Variants in CLIP1 observed in about 807,000 individuals in gnomAD.
CLIP1 encodes CAP-Gly domain containing linker protein 1.
A neutral mutation model predicts 161.6 loss-of-function variants in CLIP1; 66 were observed. The ratio of observed to expected loss-of-function variants is 0.41; its 90% CI spans 0.33 to 0.50. The LOEUF (loss-of-function observed/expected upper bound fraction) is 0.50, where lower values mean the gene tolerates loss of function less well. Among genes scored for constraint, CLIP1 ranks in the 20% least tolerant of loss-of-function variants. CLIP1 has a pLI of 0.27. For missense variants in CLIP1, 1,376 were observed against 1,702.0 expected (o/e 0.81, Z 3.37); for synonymous variants, 598 against 626.2 (o/e 0.96, Z 0.67).
Position 122,341,666 on chromosome 12 carries a change from A to G in CLIP1, c.1538T>C (p.Met513Thr). ...CAATGCTAGGTCTTTCTCCAGTTCCATTATACGTGACTTTTCTGAAACTGT... is the reference window on the plus strand; with the variant it reads ...CAATGCTAGGTCTTTCTCCAGTTCCGTTATACGTGACTTTTCTGAAACTGT... ...VATVSEKSRI[M>T]ELEKDLALRV... The change falls in exon 11 of 26, where the codon ATG becomes ACG. Residue 513 changes from methionine (M) to threonine (T), a missense_variant. Coordinates refer to ENST00000620786, the MANE Select transcript of CLIP1 (RefSeq NM_001247997.2). The G allele has an allele frequency of 6.3e-7, 1 of 1,594,926 alleles. No individual in the cohort carries two copies. The highest frequency in any genetic ancestry group is 8.5e-7 in the Non-Finnish European group (1 of 1,171,946).
intron 19 of CLIP1, among the ~76,000 whole-genome samples, 198 bp from the exon 20 acceptor site, chr12:122,310,080 A>G (rs1015211757): frequency 6.6e-6 from 1 of 152,150 alleles, no homozygotes; most frequent in Non-Finnish European, 1.5e-5. Context: ...GCTGCCACCC[A>G]CAATTATTAC....
intron 1 of CLIP1, among the ~76,000 whole-genome samples, chr12:122,403,631 G>A (rs912119245): frequency 6.7e-6 from 1 of 149,726 alleles, no homozygotes; most frequent in Non-Finnish European, 1.5e-5. Context: ...CGATTCTCCT[G>A]CCTCAGCCTC....
intron 1 of CLIP1, among the ~76,000 whole-genome samples, chr12:122,422,093 C>G (rs2137262484): frequency 6.6e-6 from 1 of 152,224 alleles, no homozygotes; most frequent in East Asian, 1.9e-4. Flanking sequence ...ACAGGCGCGG[C>G]GCCCGGGGCA....
In CLIP1 at chr12:122,288,489, C is replaced by CT; in HGVS notation, c.3646dup (p.Arg1216LysfsTer11). The CT allele has an allele frequency of 1.9e-6, 3 of 1,606,710 alleles. No homozygotes were observed. The highest frequency in any genetic ancestry group is 1.7e-6 in the Non-Finnish European group (2 of 1,178,956). On this transcript the variant is annotated frameshift_variant and splice_region_variant, in exon 21 of 26. Coordinates refer to ENST00000620786, the MANE Select transcript of CLIP1 (RefSeq NM_001247997.2). LOFTEE classifies it high-confidence loss of function. The stretch of plus-strand genomic sequence containing the variant: ...ATACAACAATAAACAGAAAGCTTAC[C>CT]TTTTTTTCATTTCTAACAACTGATT...
chr12:122,328,768 A>G (rs1951812417), intron 15 of CLIP1, among the ~76,000 whole-genome samples: 1 of 152,104 alleles, frequency 6.6e-6, no homozygotes, highest in Non-Finnish European at 1.5e-5. Context: ...TTTTTAGTAG[A>G]GACAGGGTTT....
intron 1 of CLIP1, among the ~76,000 whole-genome samples, chr12:122,416,361 A>C (rs374261627): frequency 6.6e-6 from 1 of 152,242 alleles, no homozygotes; most frequent in South Asian, 2.1e-4. Context: ...AATAACCTAA[A>C]CTGGGCTCAA....
intron 4 of CLIP1, among the ~76,000 whole-genome samples, chr12:122,363,687 T>C (rs1566176953): frequency 6.7e-6 from 1 of 149,100 alleles, no homozygotes; most frequent in Non-Finnish European, 1.5e-5. Context: ...AGAAGTCAAC[T>C]CCTATCAAAA....
Position 122,410,965 on chromosome 12 carries a change from T to C in CLIP1, c.-107+11556A>G, listed in dbSNP as rs1035104251. Among the ~76,000 whole-genome samples the C allele has an allele frequency of 3.3e-5, 5 of 152,256 alleles. No individual in the cohort carries two copies. In the East Asian group the frequency reaches 9.6e-4, roughly 29 times the overall value. On this transcript the variant is annotated intron_variant, in intron 1 of 25. Coordinates refer to ENST00000620786, the MANE Select transcript of CLIP1 (RefSeq NM_001247997.2). ...AAGACATAGAAGTGCTGGTGAGGAT[T>C]TGGACAAGCTGAACCTCATTCATTG...
intron 1 of CLIP1, among the ~76,000 whole-genome samples, chr12:122,406,243 T>C (rs1355157480): frequency 6.6e-6 from 1 of 152,138 alleles, no homozygotes; most frequent in Non-Finnish European, 1.5e-5. Flanking sequence ...CTCAGGAGTT[T>C]GAGATCATCC....
chr12:122,319,325 G>A lies in CLIP1; in HGVS notation c.3273C>T (p.Ala1091=), dbSNP rs983442542. 6.2e-7 allele frequency: 1 copy of A among 1,613,752 alleles called. No individual in the cohort carries two copies. The highest frequency in any genetic ancestry group is 8.5e-7 in the Non-Finnish European group (1 of 1,179,740). ...TGGTCATCTGTTCCATTATCTGCAT[G>A]GCATCTTCCGCTGTTTGAGCAGCCT... is the stretch of plus-strand genomic sequence containing the variant. ...KAKAAQTAED[A]MQIMEQMTKE... The change falls in exon 18 of 26, where the codon GCC becomes GCT. Residue 1091 remains alanine (A), a synonymous_variant. Coordinates refer to ENST00000620786, the MANE Select transcript of CLIP1 (RefSeq NM_001247997.2).
chr12:122,396,939 T>TA (rs1396762048), intron 1 of CLIP1, among the ~76,000 whole-genome samples: 2 of 138,608 alleles, frequency 1.4e-5, no homozygotes, highest in African/African-American at 5.3e-5. Flanking sequence ...GCAAATTTTT[T>TA]TTTTTTTTTT....
chr12:122,408,471 C>T (rs913557487), intron 1 of CLIP1, among the ~76,000 whole-genome samples: 4 of 152,124 alleles, frequency 2.6e-5, no homozygotes, highest in Middle Eastern at 3.4e-3. Context: ...GCCTCAGCCT[C>T]CCGAGTAGCT....
At chr12:122,343,486 T>C (rs182400699) in intron 10 of CLIP1, 5 of 152,294 alleles carry the variant, frequency 3.3e-5, no homozygotes, top group Admixed American at 3.3e-4. Context: ...CCTGCAATAA[T>C]ACACAAGAAT....
At chr12:122,294,567 A>C (rs1313987799) in intron 20 of CLIP1, among the ~76,000 whole-genome samples, 1 of 151,994 alleles carries the variant, frequency 6.6e-6, no homozygotes, top group Admixed American at 6.6e-5. Flanking sequence ...GTTCGAGACC[A>C]GCCTGGGTAA....
chr12:122,382,496 C>T (rs998805519), intron 1 of CLIP1, among the ~76,000 whole-genome samples: 1 of 150,660 alleles, frequency 6.6e-6, no homozygotes, highest in Admixed American at 6.6e-5. Context: ...GAGCGAGACA[C>T]CACCTCGAAA....
At chr12:122,307,578 C>T (rs1203623462) in intron 20 of CLIP1, among the ~76,000 whole-genome samples, 1 of 152,168 alleles carries the variant, frequency 6.6e-6, no homozygotes, top group Admixed American at 6.5e-5. Context: ...AATAGCATTT[C>T]TGCCAAATAC....
Position 122,341,662 on chromosome 12 carries a change from T to C in CLIP1, c.1542A>G (p.Glu514=). 6.2e-7 allele frequency: 1 copy of C among 1,607,340 alleles called. No individual in the cohort carries two copies. The highest frequency in any genetic ancestry group is 8.5e-7 in the Non-Finnish European group (1 of 1,177,626). ...CTCTCAATGCTAGGTCTTTCTCCAG[T>C]TCCATTATACGTGACTTTTCTGAAA... is the stretch of plus-strand genomic sequence containing the variant. The part of the protein sequence containing the change: ...ATVSEKSRIM[E]LEKDLALRVQ... The change falls in exon 11 of 26, where the codon GAA becomes GAG. Residue 514 remains glutamate (E), a synonymous_variant. Transcript: ENST00000620786.
At chr12:122,364,405 C>CTT (rs35729680) in intron 3 of CLIP1, among the ~76,000 whole-genome samples, 37 of 137,962 alleles carry the variant, frequency 2.7e-4, no homozygotes, top group East Asian at 1.0e-3. Context: ...TTAGAAAATA[C>CTT]TTTTTTTTTT....
rs1007903828 is a variant in CLIP1, at chr12:122,323,851, C to T, written c.3249+4096G>A. The stretch of plus-strand genomic sequence containing the variant: ...GAATGATGTCATCCTTATCTTTGGC[C>T]AAGATGAAGTTTTCGGTAATAAGTT... On this transcript the variant is annotated intron_variant, in intron 17 of 25. Coordinates refer to ENST00000620786, the MANE Select transcript of CLIP1 (RefSeq NM_001247997.2). This position sits in a 1 kb window ranked among gnomAD's most constrained non-coding sequence, Gnocchi z 4.1. The T allele has an allele frequency of 6.6e-6, 1 of 152,568 alleles. No individual in the cohort carries two copies. Among genetic ancestry groups the T allele is most frequent in the Non-Finnish European group, 1.5e-5 (1 of 68,046 alleles). 9.5% of individuals were successfully genotyped at this position (152,568 alleles called of 1,614,324 possible).
Sources: allele counts gnomAD v4.1 joint callset (sites outside exome capture counted in the v4.1 genomes callset), GRCh38; gene constraint gnomAD v4.1.1; non-coding constraint Gnocchi (gnomAD v3.1); transcripts MANE v1.5; gene names NCBI Gene and HGNC (gene_info 2026-07-23, HGNC 2026-07-21).